Variants in DENND4C observed in about 807,000 individuals in gnomAD.
The protein encoded by DENND4C is DENN domain-containing protein 4C.
Under a neutral mutation model 203.0 loss-of-function variants are expected in DENND4C, and 108 were observed. The observed-to-expected ratio is 0.53, with a 90% CI of 0.46 to 0.62. The LOEUF (loss-of-function observed/expected upper bound fraction) is 0.62. Ranked by LOEUF, DENND4C falls within the 20% of genes least tolerant of loss-of-function variation. DENND4C has a pLI of 0.00. For synonymous variants in DENND4C, 871 were observed against 792.4 expected, an observed-to-expected ratio of 1.10 and a Z score of -1.67; for missense variants, 2,481 against 2,301.2, an observed-to-expected ratio of 1.08 and a Z score of -1.60.
In DENND4C at chr9:19,282,688, G is replaced by C. The variant is rs571135687; in HGVS notation, c.306-4081G>C. 6.3e-3 allele frequency among the ~76,000 whole-genome samples: 871 copies of C among 138,826 alleles called. 13 individuals are homozygous for C. The highest frequency in any genetic ancestry group is 0.022 in the African/African-American group (814 of 37,170). The allele number at this position is 138,826 out of a possible 152,430, so 91.1% of individuals were successfully genotyped here. A position where few individuals can be genotyped will look rare whatever the true frequency, so the allele number is the denominator to read the frequency against. On this transcript the variant is annotated intron_variant, in intron 2 of 32. Transcript: ENST00000434457. The stretch of plus-strand genomic sequence containing the variant: ...GCTTGGTTTTTAAACTTTATTTTTT[G>C]TTTTTCTTTTTCTTTTTTTCTTCTC...
At position 19,342,692 on chromosome 9, in the gene DENND4C, A is replaced by G. The variant is rs765486603; in HGVS notation, c.3064A>G (p.Ser1022Gly). 3.1e-6 allele frequency: 5 copies of G among 1,613,642 alleles called. No homozygotes were observed. The highest frequency in any genetic ancestry group is 2.2e-5 in the East Asian group (1 of 44,834). ...TTCACAACCTAGTCCAGAGCCTCAC[A>G]GTCCTACTGAACCTCCTGCATGGGG... is the stretch of plus-strand genomic sequence containing the variant. ...KHSQPSPEPH[S>G]PTEPPAWGSS... Residue 1022 changes from serine to glycine, a missense_variant, in exon 22 of 33, where the codon AGT becomes GGT. By Grantham distance (56) the Ser-to-Gly change is moderately conservative. This residue lies in a region of DENND4C where 2,289 missense variants were observed against 2,113.3 expected (regional missense o/e 1.08). Transcript: ENST00000434457.
intron 2 of DENND4C, among the ~76,000 whole-genome samples, chr9:19,285,625 G>C (rs1051900822): frequency 3.4e-5 from 5 of 145,276 alleles, no homozygotes; most frequent in African/African-American, 1.3e-4. Context: ...TGCTTTTGGT[G>C]TCATATCTAA....
intron 7 of DENND4C, among the ~76,000 whole-genome samples, chr9:19,298,547 G>A (rs1159823238): frequency 6.6e-6 from 1 of 152,078 alleles, no homozygotes; most frequent in Non-Finnish European, 1.5e-5. Context: ...GTAAGTAGCA[G>A]ACGTAGGTAG....
intron 9 of DENND4C, among the ~76,000 whole-genome samples, chr9:19,303,924 G>A (rs529106487): frequency 6.6e-6 from 1 of 150,864 alleles, no homozygotes; most frequent in African/African-American, 2.4e-5. Flanking sequence ...TGTTGTCCAG[G>A]CTGGCCTTGA....
At chr9:19,261,552 G>T (rs745854344) in intron 1 of DENND4C, among the ~76,000 whole-genome samples, 9 of 151,454 alleles carry the variant, frequency 5.9e-5, no homozygotes, top group Non-Finnish European at 1.5e-5. Context: ...GTACAGGCTG[G>T]AGTACAGTGG....
Position 19,336,838 on chromosome 9 carries a change from A to T in DENND4C, c.2881+6A>T. On this transcript the variant is annotated splice_donor_region_variant and intron_variant, in intron 20 of 32. Transcript: ENST00000434457. ...TGATAATCACTCTAGCACAGGTACTAAAATCCAGATTTTACTAACCCTTCA... is the reference window on the plus strand; with the variant it reads ...TGATAATCACTCTAGCACAGGTACTTAAATCCAGATTTTACTAACCCTTCA... The T allele has an allele frequency of 6.5e-7, 1 of 1,545,038 alleles. No individual in the cohort carries two copies.
Position 19,290,783 on chromosome 9 carries a change from T to A in DENND4C, c.708T>A (p.Pro236=). 1 of 1,609,218 alleles carries A rather than the reference T, an allele frequency of 6.2e-7. No individual in the cohort carries two copies. The highest frequency in any genetic ancestry group is 8.5e-7 in the Non-Finnish European group (1 of 1,177,234). ...SESDVPLFCL[P]MGATIECWDP... is the part of the protein sequence containing the mutation. ...CAGATGTACCTCTTTTCTGCCTTCC[T>A]ATGGGAGCTACTATTGAGTGCTGGG... Residue 236 remains proline, a synonymous_variant, in exon 5 of 33, where the codon CCT becomes CCA. Coordinates refer to ENST00000434457, the MANE Select transcript of DENND4C (RefSeq NM_001330640.2).
At chr9:19,330,642 G>T (rs7847438) in intron 16 of DENND4C, among the ~76,000 whole-genome samples, 2 of 151,234 alleles carry the variant, frequency 1.3e-5, no homozygotes, top group African/African-American at 4.9e-5. Flanking sequence ...CCAGCCCCAA[G>T]ATTTTTTTAT....
Position 19,319,379 on chromosome 9 carries a change from T to TATATATAC in DENND4C, c.1807+2541_1807+2542insTATATACA, listed in dbSNP as rs1366607176. Among the ~76,000 whole-genome samples the TATATATAC allele has an allele frequency of 8.8e-3, 935 of 105,832 alleles. 25 individuals are homozygous for TATATATAC. The highest frequency in any genetic ancestry group is 0.04 in the African/African-American group (909 of 22,554). 69.4% of individuals were successfully genotyped at this position (105,832 alleles called of 152,430 possible). ...ATATATACACACATATATATACACATACATATATATATACATATATATATA... is the reference window on the plus strand; with the variant it reads ...ATATATACACACATATATATACACATATATATACACATATATATATACATATATATATA... On this transcript the variant is annotated intron_variant, in intron 12 of 32. Coordinates refer to ENST00000434457, the MANE Select transcript of DENND4C (RefSeq NM_001330640.2).
chr9:19,368,237 T>C (rs558527564), intron 30 of DENND4C, among the ~76,000 whole-genome samples: 11 of 150,502 alleles, frequency 7.3e-5, no homozygotes, highest in African/African-American at 2.7e-4. Flanking sequence ...TTTCCTGTTA[T>C]CATAACAGAG....
At chr9:19,245,513 C>T (rs538720266) in intron 1 of DENND4C, among the ~76,000 whole-genome samples, 34 of 147,876 alleles carry the variant, frequency 2.3e-4, no homozygotes, top group Non-Finnish European at 4.0e-4. Flanking sequence ...ATAGTCAGGA[C>T]GGAGAACCAT....
At chr9:19,293,371 G>T (rs186871105) in intron 5 of DENND4C, among the ~76,000 whole-genome samples, 1 of 152,226 alleles carries the variant, frequency 6.6e-6, no homozygotes. Context: ...GTGTATAAAG[G>T]CAAGGGTTAT....
intron 21 of DENND4C, among the ~76,000 whole-genome samples, chr9:19,341,692 A>G (rs543248554): frequency 6.6e-6 from 1 of 152,330 alleles, no homozygotes; most frequent in African/African-American, 2.4e-5. Context: ...CCAAAATTAC[A>G]TAGCTACTTT....
chr9:19,296,247 G>A lies in DENND4C; in HGVS notation c.1040+1G>A. On this transcript the variant is annotated splice_donor_variant, in intron 6 of 32. Transcript: ENST00000434457. LOFTEE classifies it high-confidence loss of function. ...GACCACATCCTCTTCCCATTGAAAA[G>A]TATGTATAATGATTAGAAAGATGGC... The A allele has an allele frequency of 6.3e-7, 1 of 1,574,944 alleles. No homozygotes were observed. Among genetic ancestry groups the A allele is most frequent in the Non-Finnish European group, 8.7e-7 (1 of 1,147,616 alleles).
At chr9:19,316,552 G>A in intron 11 of DENND4C, 35 bp downstream of exon 11, 1 of 1,600,188 alleles carries the variant, frequency 6.2e-7, no homozygotes. Context: ...ATTAATGAAG[G>A]AATGTATACG....
At chr9:19,255,347 G>T (rs1827679977) in intron 1 of DENND4C, among the ~76,000 whole-genome samples, 2 of 152,034 alleles carry the variant, frequency 1.3e-5, no homozygotes, top group Admixed American at 1.3e-4. Context: ...TGAGGCTGAA[G>T]TGAGCTATGA....
At chr9:19,277,583 A>G (rs975106643) in intron 2 of DENND4C, among the ~76,000 whole-genome samples, 1 of 152,112 alleles carries the variant, frequency 6.6e-6, no homozygotes, top group African/African-American at 2.4e-5. Context: ...TTTTAAATAT[A>G]TAGGATCATG....
chr9:19,310,808 T>C (rs116974733), intron 10 of DENND4C, among the ~76,000 whole-genome samples: 1 of 152,136 alleles, frequency 6.6e-6, no homozygotes, highest in Non-Finnish European at 1.5e-5. Context: ...AAAAAAAACC[T>C]TTTTGTTCAG....
Position 19,361,850 on chromosome 9 carries a change from C to T in DENND4C, c.5411C>T (p.Pro1804Leu). ...SEHCNEGVQL[P>L]LSSLSQDSKL... ...CTTTCTTTTGATTTCTTTTAGCTTC[C>T]TCTGTCATCTCTGTCCCAGGATAGC... Residue 1804 changes from proline (P) to leucine (L), a missense_variant, in exon 30 of 33, where the codon CCT becomes CTT. Around this residue, in one of 3 missense-constraint regions of DENND4C, gnomAD observed 2,289 missense variants for 2,113.3 expected, o/e 1.08. Coordinates refer to ENST00000434457, the MANE Select transcript of DENND4C (RefSeq NM_001330640.2). 2 of 1,580,034 alleles carry T rather than the reference C, an allele frequency of 1.3e-6. No homozygotes were observed. The highest frequency in any genetic ancestry group is 1.7e-6 in the Non-Finnish European group (2 of 1,149,846).
Sources: allele counts gnomAD v4.1 joint callset (sites outside exome capture counted in the v4.1 genomes callset), GRCh38; gene constraint gnomAD v4.1.1; regional missense constraint gnomAD v4.1.1; transcripts MANE v1.5; gene names NCBI Gene and HGNC (gene_info 2026-07-23, HGNC 2026-07-21).